IGSF21: variants seen among roughly 807,000 people sequenced by gnomAD.
The protein encoded by IGSF21 is immunoglobulin superfamily member 21.
Under a neutral mutation model 46.8 loss-of-function variants are expected in IGSF21, and 28 were observed. The ratio of observed to expected loss-of-function variants is 0.60; its 90% confidence interval spans 0.44 to 0.82. IGSF21 has a LOEUF of 0.82. Ranked by LOEUF, IGSF21 falls within the 40% of genes least tolerant of loss-of-function variation. The pLI, the probability that IGSF21 is intolerant of heterozygous loss-of-function variation, is 0.00. For missense variants in IGSF21, 624 were observed against 665.5 expected (o/e 0.94, Z 0.69); for synonymous variants, 284 against 273.6 (o/e 1.04, Z -0.38).
At chr1:18,201,356 G>T (rs190918346) in intron 1 of IGSF21, among the ~76,000 whole-genome samples, 1 of 152,352 alleles carries the variant, frequency 6.6e-6, no homozygotes, top group Non-Finnish European at 1.5e-5. Context: ...TTGTGGAACT[G>T]AGACATGGTA....
intron 2 of IGSF21, among the ~76,000 whole-genome samples, chr1:18,247,878 A>G (rs971143434): frequency 5.9e-5 from 9 of 151,378 alleles, no homozygotes; most frequent in Non-Finnish European, 8.9e-5. Context: ...AGTGGGATTC[A>G]AACTCTGGTG....
At chr1:18,355,866 G>A (rs542801025) in intron 4 of IGSF21, among the ~76,000 whole-genome samples, 7 of 118,080 alleles carry the variant, frequency 5.9e-5, no homozygotes, top group African/African-American at 1.7e-4. Flanking sequence ...ACGGAGTTTC[G>A]CTCTTGTTAC....
intron 2 of IGSF21, among the ~76,000 whole-genome samples, chr1:18,287,105 C>T (rs980812198): frequency 8.1e-4 from 120 of 148,376 alleles, no homozygotes; most frequent in Admixed American, 1.6e-3. Context: ...GGCGTGAACC[C>T]GGGAGGCGGA....
rs914576779 is a variant in IGSF21, at chr1:18,290,136, T to C, written c.184-1730T>C. On this transcript the variant is annotated intron_variant, in intron 2 of 9. Coordinates refer to ENST00000251296, the MANE Select transcript of IGSF21 (RefSeq NM_032880.5). The surrounding 1 kb of genome is among the most constrained non-coding windows in gnomAD (Gnocchi z 4.2). ...GTTGGGGTGAGCATCTTTCTTGGGG[T>C]GAGTGCCAGCAGGGATCCCAAGAGG... 1.8e-4 allele frequency among the ~76,000 whole-genome samples: 28 copies of C among 152,012 alleles called. No individual in the cohort carries two copies. The highest frequency in any genetic ancestry group is 6.3e-4 in the African/African-American group (26 of 41,376).
rs113370335 is a variant in IGSF21 at position 18,174,329 on chromosome 1, G to A, written c.71-53569G>A. ...GAATCCGAGCAGCCCGTGTCTAAGCGTCTTCACAGATGGGCAGTTCTTCTT... is the reference window on the plus strand; with the variant it reads ...GAATCCGAGCAGCCCGTGTCTAAGCATCTTCACAGATGGGCAGTTCTTCTT... On this transcript the variant is annotated intron_variant, in intron 1 of 9. Transcript: ENST00000251296. Among the ~76,000 whole-genome samples, 21 of 152,290 alleles carry A rather than the reference G, an allele frequency of 1.4e-4. 1 individual carries two copies. In the East Asian group the frequency reaches 2.7e-3, roughly 20 times the overall value.
intron 1 of IGSF21, among the ~76,000 whole-genome samples, chr1:18,209,696 G>A (rs1033946068): frequency 6.1e-5 from 9 of 147,890 alleles, no homozygotes; most frequent in Non-Finnish European, 1.2e-4. Context: ...TCCTAACCTT[G>A]TGATTTGCCC....
At chr1:18,214,746 T>C (rs1452606980) in intron 1 of IGSF21, among the ~76,000 whole-genome samples, 2 of 152,170 alleles carry the variant, frequency 1.3e-5, no homozygotes, top group Non-Finnish European at 2.9e-5. Flanking sequence ...TTTTGGTTTC[T>C]GTTTTTTGAG....
chr1:18,264,646 G>A (rs1326137433), intron 2 of IGSF21, among the ~76,000 whole-genome samples: 1 of 152,192 alleles, frequency 6.6e-6, no homozygotes, highest in Non-Finnish European at 1.5e-5. Context: ...CATACCTACA[G>A]AACATACAGG....
rs748623607 is a variant in IGSF21, at chr1:18,335,764, C to T, written c.424+754C>T. On this transcript the variant is annotated intron_variant, in intron 4 of 9. Transcript: ENST00000251296. This position sits in a 1 kb window ranked among gnomAD's most constrained non-coding sequence, Gnocchi z 4.8. ...ACAAAGCTTGCGGTACACAGGCAAT[C>T]GATGAAAGCATAAAGGCCCTGCTGA... Among the ~76,000 whole-genome samples the T allele has an allele frequency of 1.8e-4, 28 of 152,086 alleles. No individual in the cohort carries two copies. Among genetic ancestry groups the T allele is most frequent in the African/African-American group, 3.9e-4 (16 of 41,406 alleles).
chr1:18,303,060 T>TG (rs964981367), intron 3 of IGSF21, among the ~76,000 whole-genome samples: 1 of 151,946 alleles, frequency 6.6e-6, no homozygotes, highest in African/African-American at 2.4e-5. Context: ...TCGGATTTGG[T>TG]GGGGGGCGTC....
At chr1:18,191,256 A>G (rs2086953284) in intron 1 of IGSF21, among the ~76,000 whole-genome samples, 1 of 152,106 alleles carries the variant, frequency 6.6e-6, no homozygotes. Flanking sequence ...CAAGTGTCCA[A>G]TAGGAATAAT....
chr1:18,133,240 T>A (rs2086338078), intron 1 of IGSF21, among the ~76,000 whole-genome samples: 1 of 152,350 alleles, frequency 6.6e-6, no homozygotes, highest in South Asian at 2.1e-4. Flanking sequence ...CCAACCTTCC[T>A]GAGGCCCCCA....
At chr1:18,262,796 G>A (rs966555016) in intron 2 of IGSF21, among the ~76,000 whole-genome samples, 1 of 152,200 alleles carries the variant, frequency 6.6e-6, no homozygotes, top group African/African-American at 2.4e-5. Flanking sequence ...CCAGAGGCAA[G>A]CTTTACTAGA....
intron 2 of IGSF21, among the ~76,000 whole-genome samples, chr1:18,243,839 A>C (rs2084757510): frequency 6.6e-6 from 1 of 152,210 alleles, no homozygotes; most frequent in Admixed American, 6.5e-5. Context: ...ATGGACCAGC[A>C]GTGAAGATGC....
At chr1:18,370,432 G>A (rs370921007) in intron 6 of IGSF21, among the ~76,000 whole-genome samples, 4 of 152,116 alleles carry the variant, frequency 2.6e-5, no homozygotes, top group Admixed American at 6.5e-5. Flanking sequence ...CCCCTGCCTC[G>A]CACACACACA....
At chr1:18,172,054 C>A (rs1427688541) in intron 1 of IGSF21, among the ~76,000 whole-genome samples, 1 of 152,222 alleles carries the variant, frequency 6.6e-6, no homozygotes, top group African/African-American at 2.4e-5. Flanking sequence ...ACAGCAGCCA[C>A]CTTGCAGCCA....
intron 3 of IGSF21, among the ~76,000 whole-genome samples, chr1:18,323,674 G>A (rs11809559): frequency 0.035 from 5,294 of 152,112 alleles, 302 homozygotes; most frequent in African/African-American, 0.12. Flanking sequence ...GGGGCAGGGC[G>A]GAGAGGGCAT....
chr1:18,313,745 C>T (rs942349372), intron 3 of IGSF21, among the ~76,000 whole-genome samples: 5 of 152,258 alleles, frequency 3.3e-5, no homozygotes, highest in South Asian at 4.1e-4. Context: ...CTAGACCTGC[C>T]GAGTGCTTGC....
At chr1:18,291,814 G>T in intron 2 of IGSF21, 52 bp from the exon 3 acceptor site, 3 of 1,600,976 alleles carry the variant, frequency 1.9e-6, no homozygotes, top group Non-Finnish European at 1.7e-6. Flanking sequence ...GGAAAGGGGT[G>T]ACCAGGGCCG....
Sources: gnomAD v4.1 joint callset for allele counts (sites outside exome capture counted in the v4.1 genomes callset) on GRCh38, gnomAD v4.1.1 for gene constraint, Gnocchi (gnomAD v3.1) non-coding constraint, MANE v1.5 for transcripts, NCBI Gene and HGNC (gene_info 2026-07-23, HGNC 2026-07-21) for gene names.